Variants in ACYP2 observed in about 807,000 individuals in gnomAD.
ACYP2 encodes acylphosphatase-2.
A neutral mutation model predicts 11.2 loss-of-function variants in ACYP2; 12 were observed. The ratio of observed to expected loss-of-function variants is 1.08; its 90% CI spans 0.69 to 1.74. The LOEUF is 1.74. ACYP2 is among the 40% of genes most tolerant of loss of function. ACYP2 has a pLI of 0.00. For missense variants in ACYP2, 134 were observed against 101.9 expected, an observed-to-expected ratio of 1.31 and a Z score of -1.35; for synonymous variants, 43 against 32.2, an observed-to-expected ratio of 1.33 and a Z score of -1.13.
chr2:54,246,914 G>A (rs550302544), intron 6 of ACYP2, among the ~76,000 whole-genome samples: 1 of 152,184 alleles, frequency 6.6e-6, no homozygotes, highest in African/African-American at 2.4e-5. Flanking sequence ...TCATAGTAAA[G>A]CCCCAGGGCT....
At chr2:54,015,449 G>C (rs1031079324) in intron 2 of ACYP2, among the ~76,000 whole-genome samples, 1 of 151,864 alleles carries the variant, frequency 6.6e-6, no homozygotes, top group Admixed American at 6.6e-5. Context: ...CAGAGGTTGC[G>C]GTGAGTCGAG....
chr2:54,031,948 C>A (rs1006913214), intron 2 of ACYP2, among the ~76,000 whole-genome samples: 10 of 152,114 alleles, frequency 6.6e-5, no homozygotes, highest in African/African-American at 2.4e-4. Context: ...CTGTTCATAT[C>A]CTTCGCCCAC....
intron 4 of ACYP2, among the ~76,000 whole-genome samples, chr2:54,133,135 C>G (rs1681014291): frequency 6.6e-6 from 1 of 152,184 alleles, no homozygotes; most frequent in Non-Finnish European, 1.5e-5. Context: ...CTTCACCCCC[C>G]ATTGTAGCAC....
chr2:54,013,253 ATATGTGTG>A (rs1173004788), intron 2 of ACYP2, among the ~76,000 whole-genome samples: 2 of 24,180 alleles, frequency 8.3e-5, no homozygotes, highest in Non-Finnish European at 1.3e-4. Context: ...CCACCATCTA[ATATGTGTG>A]TGTGTGTGTG....
At chr2:54,158,115 T>A (rs182699928) in intron 6 of ACYP2, among the ~76,000 whole-genome samples, 1 of 151,810 alleles carries the variant, frequency 6.6e-6, no homozygotes, top group East Asian at 1.9e-4. Context: ...AACCTCTGCC[T>A]CCCAGGTTCA....
intron 6 of ACYP2, among the ~76,000 whole-genome samples, chr2:54,206,963 T>C (rs1181711958): frequency 3.3e-5 from 5 of 152,086 alleles, no homozygotes; most frequent in Non-Finnish European, 5.9e-5. Flanking sequence ...TTTTTTGTTA[T>C]GATTTGGGGC....
chr2:54,304,755 A>C lies in ACYP2; in HGVS notation c.472A>C (p.Lys158Gln). The C allele has an allele frequency of 6.2e-7, 1 of 1,612,146 alleles. No homozygotes were observed. Among genetic ancestry groups the C allele is most frequent in the Non-Finnish European group, 8.5e-7 (1 of 1,179,608 alleles). ...TGACCGCACAAACTTTTCTAATGAA[A>C]AAACCATCTCTAAGCTTGAATACTC... The change falls in exon 7 of 7, where the codon AAA becomes CAA. Residue 158 changes from lysine to glutamine, a missense_variant. Lys to Gln is a moderately conservative substitution (Grantham distance 53, BLOSUM62 1). Coordinates refer to ENST00000607452, the MANE Select transcript of ACYP2 (RefSeq NM_001320586.2).
At chr2:54,271,542 T>C (rs1688303480) in intron 6 of ACYP2, among the ~76,000 whole-genome samples, 1 of 152,066 alleles carries the variant, frequency 6.6e-6, no homozygotes, top group Non-Finnish European at 1.5e-5. Flanking sequence ...TGTGATTTCA[T>C]CCCAAATCAA....
intron 6 of ACYP2, among the ~76,000 whole-genome samples, chr2:54,231,334 T>C (rs1686229900): frequency 6.6e-6 from 1 of 152,230 alleles, no homozygotes; most frequent in South Asian, 2.1e-4. Flanking sequence ...GTCAATATTA[T>C]GAAATGTGTC....
At chr2:54,094,629 C>A (rs1314797788) in intron 4 of ACYP2, among the ~76,000 whole-genome samples, 1 of 152,068 alleles carries the variant, frequency 6.6e-6, no homozygotes, top group Non-Finnish European at 1.5e-5. Context: ...CCTCTTCCTC[C>A]TGTGCTCAAC....
At chr2:54,183,603 T>C (rs921553077) in intron 6 of ACYP2, among the ~76,000 whole-genome samples, 1 of 152,052 alleles carries the variant, frequency 6.6e-6, no homozygotes, top group Non-Finnish European at 1.5e-5. Context: ...ATTTTAAAAA[T>C]GTAATTGTAT....
chr2:54,166,913 T>C (rs1683000208), intron 6 of ACYP2: 3 of 152,158 alleles, frequency 2.0e-5, no homozygotes, highest in African/African-American at 7.2e-5. Flanking sequence ...AAAGGACTCT[T>C]AAAATTTATT....
chr2:54,117,512 C>T (rs536945665), intron 4 of ACYP2, among the ~76,000 whole-genome samples: 2 of 152,186 alleles, frequency 1.3e-5, no homozygotes, highest in African/African-American at 2.4e-5. Flanking sequence ...AGGCAAGTCT[C>T]GAAATCCTGG....
intron 2 of ACYP2, among the ~76,000 whole-genome samples, chr2:54,008,173 C>G (rs1673177204): frequency 6.6e-6 from 1 of 152,230 alleles, no homozygotes; most frequent in Non-Finnish European, 1.5e-5. Flanking sequence ...CTTAATGCCT[C>G]TTTCCTAGAC....
Position 54,197,942 on chromosome 2 carries a change from ATAT to A in ACYP2, c.404+59196_404+59198del, listed in dbSNP as rs1382550743. Among the ~76,000 whole-genome samples, 14 of 69,564 alleles carry A rather than the reference ATAT, an allele frequency of 2.0e-4. No homozygotes were observed. In the East Asian group the frequency reaches 5.9e-3, roughly 29 times the overall value. The allele number at this position is 69,564 out of a possible 152,430, so 45.6% of individuals were successfully genotyped here. On this transcript the variant is annotated intron_variant, in intron 6 of 6. Coordinates refer to ENST00000607452, the MANE Select transcript of ACYP2 (RefSeq NM_001320586.2). ...ATTTTATTTTATTTATGTATGTATT[ATAT>A]TGTATTGTATTGTATTGTATTGTAT...
At chr2:54,072,500 TC>T (rs1420402602) in intron 4 of ACYP2, among the ~76,000 whole-genome samples, 23 of 62,962 alleles carry the variant, frequency 3.7e-4, no homozygotes, top group Middle Eastern at 5.9e-3. Context: ...TCTTTCTTTC[TC>T]TCTCTCTCTC....
rs139167284 is a variant in ACYP2, at chr2:54,254,785, C to T, written c.405-49903C>T. 171 of 840,840 alleles carry T rather than the reference C, an allele frequency of 2.0e-4. 1 individual carries two copies. In the East Asian group the frequency reaches 3.9e-3, roughly 19 times the overall value. 52.1% of individuals were successfully genotyped at this position (840,840 alleles called of 1,614,324 possible). On this transcript the variant is annotated intron_variant, in intron 6 of 6. Coordinates refer to ENST00000607452, the MANE Select transcript of ACYP2 (RefSeq NM_001320586.2). ...GGTCTCAATCTTCAGGTTGAGAGAA[C>T]GGAAAGTTTAAACAGAGGGTACAGG...
intron 6 of ACYP2, among the ~76,000 whole-genome samples, chr2:54,168,351 G>A (rs1348380761): frequency 2.0e-5 from 3 of 152,054 alleles, no homozygotes; most frequent in Admixed American, 6.6e-5. Flanking sequence ...CACTGAAACC[G>A]GGAAGCAGAG....
chr2:54,178,397 T>G (rs1683563692), intron 6 of ACYP2, among the ~76,000 whole-genome samples: 1 of 152,188 alleles, frequency 6.6e-6, no homozygotes, highest in African/African-American at 2.4e-5. Context: ...TCCACCTGAT[T>G]TCTTTTGTGC....
Sources: allele counts gnomAD v4.1 joint callset (sites outside exome capture counted in the v4.1 genomes callset), GRCh38; gene constraint gnomAD v4.1.1; transcripts MANE v1.5; gene names NCBI Gene and HGNC (gene_info 2026-07-23, HGNC 2026-07-21).